Variants in GABRA2 observed in about 807,000 individuals in gnomAD.
GABRA2 encodes the protein gamma-aminobutyric acid type A receptor subunit alpha2, also known as gamma-aminobutyric acid receptor subunit alpha-2.
In GABRA2, 16 loss-of-function variants were observed where a neutral mutation model predicts 48.7. The ratio of observed to expected loss-of-function variants is 0.33; its 90% CI spans 0.22 to 0.50. The LOEUF is 0.50. GABRA2 is among the 20% of genes least tolerant of loss of function. GABRA2 has a pLI of 0.98. For synonymous variants in GABRA2, 185 were observed against 184.5 expected (o/e 1.00, Z -0.02); for missense variants, 275 against 535.6 (o/e 0.51, Z 4.80).
intron 8 of GABRA2, among the ~76,000 whole-genome samples, chr4:46,278,940 A>G (rs1721004528): frequency 1.3e-5 from 2 of 152,026 alleles, no homozygotes; most frequent in South Asian, 4.1e-4. Context: ...AAGGAGGCAG[A>G]TATATTGATA....
chr4:46,321,800 C>T (rs1272604250), intron 4 of GABRA2, among the ~76,000 whole-genome samples: 4 of 152,092 alleles, frequency 2.6e-5, no homozygotes, highest in African/African-American at 7.2e-5. Context: ...TCTCCCTCTC[C>T]CCATACTCAA....
intron 4 of GABRA2, 59 bp downstream of exon 4, chr4:46,332,556 G>A: frequency 1.0e-6 from 1 of 963,810 alleles, no homozygotes; most frequent in South Asian, 1.3e-5. Flanking sequence ...TAGTTTATTT[G>A]AAATTACCCC....
chr4:46,266,950 CTGACCTCAGA>C (rs1399893259), intron 8 of GABRA2, among the ~76,000 whole-genome samples: 5 of 152,116 alleles, frequency 3.3e-5, no homozygotes, highest in Admixed American at 3.3e-4. Flanking sequence ...TCCTGAACTC[CTGACCTCAGA>C]TGATCCACCA....
intron 4 of GABRA2, among the ~76,000 whole-genome samples, chr4:46,322,555 T>C (rs1202426568): frequency 6.6e-6 from 1 of 152,018 alleles, no homozygotes; most frequent in East Asian, 1.9e-4. Flanking sequence ...CTATGCAAAC[T>C]CACTAACCTC....
chr4:46,335,780 C>A (rs1276545046), intron 3 of GABRA2, among the ~76,000 whole-genome samples: 1 of 152,078 alleles, frequency 6.6e-6, no homozygotes, highest in African/African-American at 2.4e-5. Context: ...CCTGATCACT[C>A]TTAGTTGACA....
At chr4:46,255,654 T>C (rs1040947544) in intron 9 of GABRA2, among the ~76,000 whole-genome samples, 6 of 151,640 alleles carry the variant, frequency 4.0e-5, no homozygotes, top group African/African-American at 4.8e-5. Context: ...CACAAATTGA[T>C]TTTCCATTTT....
At position 46,245,849 on chromosome 4, in the gene GABRA2, A is replaced by G. The variant is rs1713617236; in HGVS notation, c.*4459T>C. Among the ~76,000 whole-genome samples the G allele has an allele frequency of 6.6e-6, 1 of 151,216 alleles. No homozygotes were observed. The highest frequency in any genetic ancestry group is 2.4e-5 in the African/African-American group (1 of 41,342). On this transcript the variant is annotated 3_prime_UTR_variant, in exon 10 of 10. Transcript: ENST00000381620. ...TTAGGTAATGTTATGTATTAAATAC[A>G]TCATTGAGTAGTTTGAGGTGGGACG... is the stretch of plus-strand genomic sequence containing the variant.
intron 3 of GABRA2, among the ~76,000 whole-genome samples, chr4:46,344,992 A>G (rs1287185054): frequency 6.6e-6 from 1 of 151,858 alleles, no homozygotes; most frequent in South Asian, 2.1e-4. Context: ...TTCATCTTGA[A>G]TTGTAATTCC....
At chr4:46,332,711 A>C (rs200532081) in intron 3 of GABRA2, 29 bp from the exon 4 acceptor site, 1 of 1,233,792 alleles carries the variant, frequency 8.1e-7, no homozygotes, top group African/African-American at 1.5e-5. Context: ...TTGAATATAG[A>C]TATTATATAA....
chr4:46,335,020 T>C (rs1053026077), intron 3 of GABRA2, among the ~76,000 whole-genome samples: 2 of 152,154 alleles, frequency 1.3e-5, no homozygotes, highest in Admixed American at 6.6e-5. Flanking sequence ...CATGGGCTAA[T>C]GAAATATTTT....
intron 8 of GABRA2, among the ~76,000 whole-genome samples, chr4:46,299,576 T>A (rs1246314281): frequency 4.0e-5 from 6 of 151,626 alleles, no homozygotes; most frequent in African/African-American, 1.5e-4. Flanking sequence ...GAAAAAAAAA[T>A]GTGTTTGTTA....
chr4:46,367,570 A>G (rs1366235212), intron 3 of GABRA2: 1 of 152,160 alleles, frequency 6.6e-6, no homozygotes, highest in East Asian at 1.9e-4. Context: ...GAGCTTTGGA[A>G]AAAGGGCATA....
chr4:46,304,819 G>T (rs1429983235), intron 7 of GABRA2, among the ~76,000 whole-genome samples: 2 of 150,820 alleles, frequency 1.3e-5, no homozygotes, highest in South Asian at 4.2e-4. Flanking sequence ...CCAGCTACTC[G>T]GGAGGCTGAG....
intron 3 of GABRA2, among the ~76,000 whole-genome samples, chr4:46,349,712 C>T (rs1400119929): frequency 1.3e-5 from 2 of 151,828 alleles, no homozygotes; most frequent in Non-Finnish European, 2.9e-5. Flanking sequence ...AAACTCAGTA[C>T]TTATAACACA....
intron 8 of GABRA2, among the ~76,000 whole-genome samples, chr4:46,287,148 G>A (rs888678002): frequency 1.3e-5 from 2 of 152,078 alleles, no homozygotes; most frequent in Admixed American, 1.3e-4. Flanking sequence ...GAGGTAGGGG[G>A]TCCAACTTCA....
chr4:46,302,322 C>T (rs939361164), intron 8 of GABRA2, among the ~76,000 whole-genome samples: 3 of 152,044 alleles, frequency 2.0e-5, no homozygotes, highest in Non-Finnish European at 1.5e-5. Context: ...TGGCCTCCAA[C>T]GTGCTAGGAC....
At chr4:46,257,971 A>G (rs1484128483) in intron 9 of GABRA2, among the ~76,000 whole-genome samples, 1 of 151,758 alleles carries the variant, frequency 6.6e-6, no homozygotes, top group East Asian at 1.9e-4. Flanking sequence ...AAGATATAAA[A>G]TCTATTTTAT....
chr4:46,291,878 A>C (rs967965201), intron 8 of GABRA2, among the ~76,000 whole-genome samples: 2 of 151,712 alleles, frequency 1.3e-5, no homozygotes, highest in African/African-American at 4.8e-5. Context: ...CTTTTGTGCC[A>C]GGAGTGTTTA....
At chr4:46,343,001 C>T (rs1053754943) in intron 3 of GABRA2, among the ~76,000 whole-genome samples, 5 of 151,932 alleles carry the variant, frequency 3.3e-5, no homozygotes, top group African/African-American at 1.2e-4. Flanking sequence ...ATAGGGTTAA[C>T]TACATGCCTG....
Sources: gnomAD v4.1 joint callset for allele counts (sites outside exome capture counted in the v4.1 genomes callset) on GRCh38, gnomAD v4.1.1 for gene constraint, MANE v1.5 for transcripts, NCBI Gene and HGNC (gene_info 2026-07-23, HGNC 2026-07-21) for gene names.